The following SIM1 variants were observed in gnomAD, a reference collection of about 807,000 sequenced individuals.
SIM1 encodes single-minded homolog 1.
Under a neutral mutation model 78.2 loss-of-function variants are expected in SIM1, and 18 were observed. The observed-to-expected ratio is 0.23, with a 90% CI of 0.16 to 0.34. SIM1 has a LOEUF of 0.34. SIM1 is among the 10% of genes least tolerant of loss of function. The probability of loss-of-function intolerance (pLI) is 1.00; values close to 1 mark genes in which losing one functional copy is unlikely to be tolerated. For missense variants in SIM1, 939 were observed against 975.1 expected (o/e 0.96, Z 0.49); for synonymous variants, 417 against 385.2 (o/e 1.08, Z -0.97).
chr6:100,453,649 G>A, intron 3 of SIM1, 113 bp downstream of exon 3: 3 of 777,778 alleles, frequency 3.9e-6, no homozygotes, highest in Non-Finnish European at 6.1e-6. Context: ...TTTTGTGGGG[G>A]GGGTTGTTTG....
intron 10 of SIM1, among the ~76,000 whole-genome samples, chr6:100,406,527 A>G (rs182733978): frequency 6.6e-6 from 1 of 152,286 alleles, no homozygotes; most frequent in Admixed American, 6.5e-5. Flanking sequence ...AATTTTGTAA[A>G]AAGAAATTGA....
chr6:100,451,210 C>T (rs374656897), intron 3 of SIM1, among the ~76,000 whole-genome samples: 27 of 152,264 alleles, frequency 1.8e-4, no homozygotes, highest in Middle Eastern at 3.4e-3. Context: ...CCTGAGTGAC[C>T]GGAGGCCTGG....
chr6:100,432,877 C>G (rs998539120), intron 9 of SIM1, among the ~76,000 whole-genome samples: 1 of 152,172 alleles, frequency 6.6e-6, no homozygotes, highest in African/African-American at 2.4e-5. Context: ...GTTGTCCACA[C>G]ACAACCCTCA....
At chr6:100,449,254 G>C (rs1458823592) in intron 6 of SIM1, 109 bp downstream of exon 6, 4 of 854,776 alleles carry the variant, frequency 4.7e-6, no homozygotes, top group Non-Finnish European at 7.6e-6. Flanking sequence ...CGCAAGCTGG[G>C]GGTGCCCTTG....
chr6:100,411,253 T>A (rs1340666497), intron 10 of SIM1, among the ~76,000 whole-genome samples: 1 of 152,092 alleles, frequency 6.6e-6, no homozygotes, highest in African/African-American at 2.4e-5. Context: ...AAAACACACA[T>A]ACAAAGTAAA....
intron 2 of SIM1, among the ~76,000 whole-genome samples, chr6:100,461,684 A>G (rs1582331319): frequency 6.6e-6 from 1 of 152,218 alleles, no homozygotes; most frequent in Non-Finnish European, 1.5e-5. Flanking sequence ...GTAGGCGCTG[A>G]CAGTATAAAA....
chr6:100,453,722 C>T (rs749493949), intron 3 of SIM1, 40 bp downstream of exon 3: 11 of 1,492,436 alleles, frequency 7.4e-6, no homozygotes, highest in Middle Eastern at 3.5e-4. Context: ...GCACTCAGAC[C>T]CTCAAAGCTT....
intron 10 of SIM1, among the ~76,000 whole-genome samples, chr6:100,414,938 A>G (rs1771360569): frequency 6.6e-6 from 1 of 152,230 alleles, no homozygotes; most frequent in African/African-American, 2.4e-5. Context: ...AAGGTAACAG[A>G]TGTGGAATAA....
At chr6:100,400,465 C>A (rs1770886293) in intron 10 of SIM1, among the ~76,000 whole-genome samples, 1 of 151,628 alleles carries the variant, frequency 6.6e-6, no homozygotes, top group Non-Finnish European at 1.5e-5. Context: ...ATGCTTCAAC[C>A]TGAAAAAAAA....
At chr6:100,427,225 C>T (rs1771757330) in intron 9 of SIM1, 1 of 152,234 alleles carries the variant, frequency 6.6e-6, no homozygotes, top group Non-Finnish European at 1.5e-5. Context: ...AGGAGGAATA[C>T]TGCGAGGGGC....
At chr6:100,451,828 C>T (rs757429903) in intron 3 of SIM1, among the ~76,000 whole-genome samples, 2 of 152,128 alleles carry the variant, frequency 1.3e-5, no homozygotes, top group African/African-American at 4.8e-5. Flanking sequence ...GGAGATAATG[C>T]CTCCTTGTTT....
At chr6:100,417,100 C>T (rs1231675845) in intron 10 of SIM1, among the ~76,000 whole-genome samples, 1 of 152,124 alleles carries the variant, frequency 6.6e-6, no homozygotes, top group Non-Finnish European at 1.5e-5. Context: ...CTCCACTCCA[C>T]CTCCAGACCC....
chr6:100,434,994 G>A (rs78329872), intron 9 of SIM1, among the ~76,000 whole-genome samples: 251 of 152,256 alleles, frequency 1.6e-3, no homozygotes, highest in South Asian at 5.2e-3. Flanking sequence ...TTGAATCCTC[G>A]TAAAATATTA....
In SIM1 at chr6:100,425,382, A is replaced by G. The variant is rs184310621; in HGVS notation, c.999-4424T>C. Among the ~76,000 whole-genome samples the G allele has an allele frequency of 4.6e-5, 7 of 152,288 alleles. No individual in the cohort carries two copies. In the East Asian group the frequency reaches 1.2e-3, roughly 25 times the overall value. Reference sequence around the variant, plus strand: ...AAATCTATTGCAGTATGGCCAGAATACTTTTTAAGGTAAATTCTTTATTGC... The same window carrying G: ...AAATCTATTGCAGTATGGCCAGAATGCTTTTTAAGGTAAATTCTTTATTGC... On this transcript the variant is annotated intron_variant, in intron 9 of 11. Coordinates refer to ENST00000369208, the MANE Select transcript of SIM1 (RefSeq NM_005068.3).
intron 6 of SIM1, 24 bp downstream of exon 6, chr6:100,449,339 G>C (rs929077701): frequency 6.2e-7 from 1 of 1,602,802 alleles, no homozygotes; most frequent in Non-Finnish European, 8.5e-7. Flanking sequence ...GACTCCACCC[G>C]GAGCGGATCT....
chr6:100,436,898 C>T (rs1042492787), intron 9 of SIM1, among the ~76,000 whole-genome samples: 6 of 151,988 alleles, frequency 3.9e-5, no homozygotes, highest in African/African-American at 7.2e-5. Context: ...CCACCACACC[C>T]GGTTAATTTT....
intron 10 of SIM1, among the ~76,000 whole-genome samples, chr6:100,420,564 A>T (rs879264435): frequency 1.3e-5 from 2 of 151,948 alleles, no homozygotes; most frequent in Non-Finnish European, 2.9e-5. Context: ...CAACAACCAG[A>T]CTCTCATGAC....
intron 10 of SIM1, among the ~76,000 whole-genome samples, chr6:100,417,851 C>T (rs1771443577): frequency 6.6e-6 from 1 of 152,196 alleles, no homozygotes; most frequent in African/African-American, 2.4e-5. Context: ...ATTATCTAAA[C>T]ACAATTAAAG....
At chr6:100,448,318 C>G (rs1772415503) in intron 7 of SIM1, 66 bp from the exon 8 acceptor site, 2 of 1,419,394 alleles carry the variant, frequency 1.4e-6, no homozygotes, top group Non-Finnish European at 1.9e-6. Flanking sequence ...CCCACACACC[C>G]TCGACAGCCG....
Sources: allele counts gnomAD v4.1 joint callset (sites outside exome capture counted in the v4.1 genomes callset), GRCh38; gene constraint gnomAD v4.1.1; transcripts MANE v1.5; gene names NCBI Gene and HGNC (gene_info 2026-07-23, HGNC 2026-07-21).